Variants in ADGRL4 observed in about 807,000 individuals in gnomAD.
The protein encoded by ADGRL4 is EGF, latrophilin and seven transmembrane domain containing 1.
ADGRL4 carries 90 observed loss-of-function variants against 74.8 expected under a neutral mutation model. The ratio of observed to expected loss-of-function variants is 1.20; its 90% CI spans 1.02 to 1.43. The LOEUF (loss-of-function observed/expected upper bound fraction) is 1.43, where lower values mean the gene tolerates loss of function less well. Ranked by LOEUF, ADGRL4 falls within the 40% of genes most tolerant of loss-of-function variation. The probability of loss-of-function intolerance (pLI) is 0.00; values close to 1 mark genes in which losing one functional copy is unlikely to be tolerated. For missense variants in ADGRL4, 881 were observed against 814.3 expected (o/e 1.08, Z -1.00); for synonymous variants, 311 against 279.2 (o/e 1.11, Z -1.14).
At chr1:78,991,618 A>G (rs1650608821) in intron 2 of ADGRL4, among the ~76,000 whole-genome samples, 1 of 151,996 alleles carries the variant, frequency 6.6e-6, no homozygotes, top group Admixed American at 6.6e-5. Context: ...TTTAATAAAT[A>G]TAACCTTTGA....
intron 2 of ADGRL4, among the ~76,000 whole-genome samples, chr1:78,967,929 T>A (rs991681170): frequency 6.6e-6 from 1 of 151,748 alleles, no homozygotes; most frequent in Non-Finnish European, 1.5e-5. Flanking sequence ...AAAATCAAAC[T>A]TCGGCTCCAA....
chr1:78,906,849 T>G (rs1295646071), intron 12 of ADGRL4, among the ~76,000 whole-genome samples: 3 of 152,024 alleles, frequency 2.0e-5, no homozygotes, highest in Admixed American at 2.0e-4. Context: ...GCCAATTTAA[T>G]TTTTCATTTA....
chr1:78,984,595 G>A (rs115906871), intron 2 of ADGRL4, among the ~76,000 whole-genome samples: 2 of 151,772 alleles, frequency 1.3e-5, no homozygotes, highest in Non-Finnish European at 3.0e-5. Flanking sequence ...AAAATAGTGT[G>A]TCGAAACAAG....
intron 2 of ADGRL4, among the ~76,000 whole-genome samples, chr1:79,001,997 T>C (rs1650853704): frequency 6.6e-6 from 1 of 152,148 alleles, no homozygotes; most frequent in Non-Finnish European, 1.5e-5. Context: ...CTAAATAAGC[T>C]GGTTTACCTC....
chr1:78,998,362 C>CTT lies in ADGRL4; in HGVS notation c.172+6706_172+6707dup, dbSNP rs71078519. ...CAAGATATTAAAACTTCCACTGATT[C>CTT]TTTTTTTTTTTTTTTTTTTTTTTTT... On this transcript the variant is annotated intron_variant, in intron 2 of 14. Transcript: ENST00000370742. Among the ~76,000 whole-genome samples, 160 of 65,056 alleles carry CTT rather than the reference C, an allele frequency of 2.5e-3. 35 individuals are homozygous for CTT. Among genetic ancestry groups the CTT allele is most frequent in the African/African-American group, 5.9e-3 (96 of 16,378 alleles). 42.7% of individuals were successfully genotyped at this position (65,056 alleles called of 152,430 possible). A position where few individuals can be genotyped will look rare whatever the true frequency, so the allele number is the denominator to read the frequency against.
chr1:78,979,662 C>T (rs886597814), intron 2 of ADGRL4, among the ~76,000 whole-genome samples: 2 of 151,708 alleles, frequency 1.3e-5, no homozygotes, highest in African/African-American at 4.8e-5. Flanking sequence ...TGCCCATCAG[C>T]CAATGAGTGG....
chr1:78,901,657 AC>A (rs1359767606), intron 12 of ADGRL4, among the ~76,000 whole-genome samples: 1 of 152,222 alleles, frequency 6.6e-6, no homozygotes, highest in African/African-American at 2.4e-5. Flanking sequence ...ATAAAATGGT[AC>A]TAGTACATTT....
intron 2 of ADGRL4, 86 bp from the exon 3 acceptor site, chr1:78,946,512 T>G: frequency 8.8e-7 from 1 of 1,132,304 alleles, no homozygotes; most frequent in East Asian, 2.6e-5. Context: ...GAATATTGAC[T>G]GTTAGATAGT....
In ADGRL4 at chr1:78,893,146, C is replaced by T. The variant is rs200701720; in HGVS notation, c.1793G>A (p.Arg598His). ...AFGVIIYKVF[R>H]HTAGLKPEVS... is the part of the protein sequence containing the mutation. ...TTCTGGTTTCAACCCTGCAGTGTGA[C>T]GAAAAACTTTGTATATGATGACTCC... The change falls in exon 13 of 15, where the codon CGT becomes CAT. Residue 598 changes from arginine (R) to histidine (H), a missense_variant. Coordinates refer to ENST00000370742, the MANE Select transcript of ADGRL4 (RefSeq NM_022159.4). The T allele has an allele frequency of 1.8e-4, 294 of 1,600,002 alleles. 1 individual carries two copies. The highest frequency in any genetic ancestry group is 6.7e-4 in the Middle Eastern group (4 of 6,012).
At chr1:78,933,026 T>C (rs1301153391) in intron 7 of ADGRL4, among the ~76,000 whole-genome samples, 3 of 151,386 alleles carry the variant, frequency 2.0e-5, no homozygotes, top group Admixed American at 2.0e-4. Context: ...TTATTCCTTT[T>C]GAAACTATTC....
rs763335307 is a variant in ADGRL4, at chr1:78,891,672, AG to A, written c.1861del (p.Leu621SerfsTer69). 10 of 1,612,518 alleles carry A rather than the reference AG, an allele frequency of 6.2e-6. No homozygotes were observed. The highest frequency in any genetic ancestry group is 1.3e-5 in the African/African-American group (1 of 74,834). On this transcript the variant is annotated frameshift_variant, in exon 14 of 15. Coordinates refer to ENST00000370742, the MANE Select transcript of ADGRL4 (RefSeq NM_022159.4). LOFTEE classifies it high-confidence loss of function. ...ENIRSCARGA[L>X]ALLFLLGTTW... is the part of the protein sequence containing the mutation. ...GGTGCCGAGAAGGAACAGAAGAGCG[AG>A]GGCTCCTCTTGCACAAGACCTATCA... is the stretch of plus-strand genomic sequence containing the variant.
At chr1:78,900,423 G>A (rs1480751645) in intron 12 of ADGRL4, among the ~76,000 whole-genome samples, 1 of 152,100 alleles carries the variant, frequency 6.6e-6, no homozygotes, top group Non-Finnish European at 1.5e-5. Context: ...ACTGAATTGT[G>A]GTAATTCGTT....
chr1:78,941,368 G>A (rs1262507193), intron 3 of ADGRL4, among the ~76,000 whole-genome samples: 3 of 152,084 alleles, frequency 2.0e-5, no homozygotes, highest in Non-Finnish European at 4.4e-5. Flanking sequence ...AGTATGAAAT[G>A]TTATACTCCA....
At chr1:78,999,788 A>ATATCTATC (rs67005634) in intron 2 of ADGRL4, among the ~76,000 whole-genome samples, 5,805 of 141,696 alleles carry the variant, frequency 0.041, 158 homozygotes, top group Middle Eastern at 0.052. Flanking sequence ...ATCTATAGTT[A>ATATCTATC]TATCTATCTA....
chr1:78,936,475 A>G, intron 6 of ADGRL4, 64 bp from the exon 7 acceptor site: 4 of 1,333,734 alleles, frequency 3.0e-6, no homozygotes, highest in Admixed American at 5.4e-5. Flanking sequence ...TCATAAATAT[A>G]TTAGCTTAGA....
intron 12 of ADGRL4, among the ~76,000 whole-genome samples, chr1:78,893,969 TG>T (rs1648342697): frequency 6.6e-6 from 1 of 151,834 alleles, no homozygotes; most frequent in Admixed American, 6.6e-5. Flanking sequence ...GAAGGGTATA[TG>T]TTAAATGTAT....
intron 7 of ADGRL4, among the ~76,000 whole-genome samples, chr1:78,934,711 A>G (rs189883977): frequency 1.9e-4 from 29 of 152,316 alleles, no homozygotes; most frequent in African/African-American, 6.7e-4. Context: ...TTACAAGAAA[A>G]AAATCAAGCA....
At chr1:78,893,012 A>G in intron 13 of ADGRL4, 86 bp downstream of exon 13, 2 of 763,132 alleles carry the variant, frequency 2.6e-6, no homozygotes, top group Non-Finnish European at 2.1e-6. Flanking sequence ...TTTAAAAATA[A>G]TTCCCCAAAT....
intron 12 of ADGRL4, among the ~76,000 whole-genome samples, chr1:78,898,958 A>T (rs554978864): frequency 6.6e-6 from 1 of 152,328 alleles, no homozygotes; most frequent in African/African-American, 2.4e-5. Context: ...AGCTACAGGT[A>T]CATTCAACCC....
Sources: allele counts gnomAD v4.1 joint callset (sites outside exome capture counted in the v4.1 genomes callset), GRCh38; gene constraint gnomAD v4.1.1; transcripts MANE v1.5; gene names NCBI Gene and HGNC (gene_info 2026-07-23, HGNC 2026-07-21).